Variants in PALM2AKAP2 observed in about 807,000 individuals in gnomAD.
PALM2AKAP2 encodes the protein PALM2-AKAP2 fusion protein.
PALM2AKAP2 carries 37 observed loss-of-function variants against 71.5 expected under a neutral mutation model. The ratio of observed to expected loss-of-function variants is 0.52; its 90% CI spans 0.40 to 0.68. The LOEUF (loss-of-function observed/expected upper bound fraction) is 0.68. Ranked by LOEUF, PALM2AKAP2 falls within the 30% of genes least tolerant of loss-of-function variation. PALM2AKAP2 has a pLI of 0.00. For missense variants in PALM2AKAP2, 1,224 were observed against 1,191.8 expected, an observed-to-expected ratio of 1.03 and a Z score of -0.40; for synonymous variants, 468 against 478.8, an observed-to-expected ratio of 0.98 and a Z score of 0.29.
Position 110,111,326 on chromosome 9 carries a change from C to G in PALM2AKAP2, c.157-24801C>G, listed in dbSNP as rs55936464. ...TAGGCTGGTCTTGAGCTCCTGGCCT[C>G]AAGTAATCCTCCTGCTTTGGCCTCC... is the stretch of plus-strand genomic sequence containing the variant. On this transcript the variant is annotated intron_variant, in intron 1 of 3. Coordinates refer to ENST00000374525, the Ensembl canonical transcript of PALM2AKAP2. 3.0e-3 allele frequency among the ~76,000 whole-genome samples: 453 copies of G among 152,150 alleles called. 1 individual carries two copies. Among genetic ancestry groups the G allele is most frequent in the Non-Finnish European group, 5.0e-3 (342 of 67,988 alleles).
chr9:109,703,848 A>G (rs1448586747), intron 1 of PALM2AKAP2, among the ~76,000 whole-genome samples: 1 of 152,176 alleles, frequency 6.6e-6, no homozygotes, highest in Non-Finnish European at 1.5e-5. Flanking sequence ...ACATTAGTTT[A>G]TGCAGTCCTT....
chr9:109,953,834 C>CAAAAAAAAAAA (rs34719180), intron 6 of PALM2AKAP2, among the ~76,000 whole-genome samples: 4 of 48,618 alleles, frequency 8.2e-5, no homozygotes, highest in Non-Finnish European at 8.5e-5. Flanking sequence ...GACTCCATCT[C>CAAAAAAAAAAA]AAAAAAAAAA....
At chr9:110,081,433 A>G (rs2118699469) in intron 1 of PALM2AKAP2, among the ~76,000 whole-genome samples, 1 of 152,348 alleles carries the variant, frequency 6.6e-6, no homozygotes, top group East Asian at 1.9e-4. Flanking sequence ...CATGTTGCCT[A>G]TAAACATAGA....
chr9:109,779,136 A>G (rs1829392925), upstream of PALM2AKAP2, among the ~76,000 whole-genome samples: 1 of 152,168 alleles, frequency 6.6e-6, no homozygotes, highest in Admixed American at 6.5e-5. Context: ...TAGTTATTTC[A>G]GTGTTTATTT....
rs749098354 is a variant in PALM2AKAP2 at position 110,138,522 on chromosome 9, G to A, written c.2552G>A (p.Cys851Tyr). 3.7e-6 allele frequency: 6 copies of A among 1,603,938 alleles called. No homozygotes were observed. In the East Asian group the frequency reaches 1.3e-4, roughly 36 times the overall value. ...GCCCCATCACTGCCCTCCAGAACAT[G>A]CTACAAAACTGCTCCAGGTAAGTGA... Residue 851 changes from cysteine to tyrosine, a missense_variant, in exon 2 of 4, where the codon TGC (cysteine) becomes TAC (tyrosine). Coordinates refer to ENST00000374525, the Ensembl canonical transcript of PALM2AKAP2.
chr9:109,821,212 G>C (rs1366482857), intron 1 of PALM2AKAP2, among the ~76,000 whole-genome samples: 1 of 152,308 alleles, frequency 6.6e-6, no homozygotes, highest in Non-Finnish European at 1.5e-5. Flanking sequence ...AGTCTGTAGA[G>C]TAGGTGCTTA....
chr9:109,968,667 A>G (rs1392098899), intron 6 of PALM2AKAP2, among the ~76,000 whole-genome samples: 1 of 152,020 alleles, frequency 6.6e-6, no homozygotes, highest in African/African-American at 2.4e-5. Context: ...CAGTCCCCCA[A>G]ATTTCTGGGG....
At chr9:109,892,187 G>A (rs144380529) in intron 3 of PALM2AKAP2, among the ~76,000 whole-genome samples, 3 of 152,278 alleles carry the variant, frequency 2.0e-5, no homozygotes, top group African/African-American at 7.2e-5. Flanking sequence ...TTTCCCCAGA[G>A]CATCTAGAGG....
intron 1 of PALM2AKAP2, among the ~76,000 whole-genome samples, chr9:110,090,931 A>G (rs373865431): frequency 7.9e-5 from 12 of 151,562 alleles, no homozygotes; most frequent in African/African-American, 2.7e-4. Context: ...TATGAACGGT[A>G]TACATGCTAT....
At chr9:109,763,876 C>T (rs1175836742) in intron 1 of PALM2AKAP2, among the ~76,000 whole-genome samples, 2 of 152,048 alleles carry the variant, frequency 1.3e-5, no homozygotes, top group African/African-American at 2.4e-5. Flanking sequence ...GTGTGTGTGT[C>T]TTAAATCTCT....
At chr9:109,914,786 T>C (rs1226241164) in intron 3 of PALM2AKAP2, among the ~76,000 whole-genome samples, 1 of 152,244 alleles carries the variant, frequency 6.6e-6, no homozygotes, top group Non-Finnish European at 1.5e-5. Context: ...TGTCTCTCAA[T>C]AGTGAGTTAT....
intron 6 of PALM2AKAP2, among the ~76,000 whole-genome samples, chr9:109,955,989 G>C (rs551273248): frequency 3.7e-4 from 56 of 151,208 alleles, no homozygotes; most frequent in East Asian, 1.8e-3. Flanking sequence ...TTTAGTGTTT[G>C]TTTGTTTTAA....
At position 110,088,703 on chromosome 9, in the gene PALM2AKAP2, G is replaced by GTTTTTT. The variant is rs71373964; in HGVS notation, c.156+39875_156+39880dup. The stretch of plus-strand genomic sequence containing the variant: ...TAGCTATTAAAGTTTGCATTTACGT[G>GTTTTTT]TTTTTTTTTTTTTTTTTTTTTTTTT... On this transcript the variant is annotated intron_variant, in intron 1 of 3. Transcript: ENST00000374525. Among the ~76,000 whole-genome samples, 64 of 75,610 alleles carry GTTTTTT rather than the reference G, an allele frequency of 8.5e-4. 5 individuals carry two copies. The highest frequency in any genetic ancestry group is 4.0e-3 in the East Asian group (6 of 1,482). The allele number at this position is 75,610 out of a possible 152,430, so 49.6% of individuals were successfully genotyped here. A position where few individuals can be genotyped will look rare whatever the true frequency, so the allele number is the denominator to read the frequency against.
chr9:109,972,659 A>G (rs1230011651), intron 6 of PALM2AKAP2, among the ~76,000 whole-genome samples: 1 of 152,196 alleles, frequency 6.6e-6, no homozygotes, highest in East Asian at 1.9e-4. Flanking sequence ...ATGAAGAGGA[A>G]GCCAAGGGGT....
intron 3 of PALM2AKAP2, among the ~76,000 whole-genome samples, chr9:109,904,045 T>C (rs766761771): frequency 1.8e-4 from 27 of 152,358 alleles, no homozygotes; most frequent in South Asian, 6.2e-4. Context: ...ATCTTATAAA[T>C]GCTGTATTTA....
At chr9:110,055,799 A>G (rs977261101) in intron 1 of PALM2AKAP2, among the ~76,000 whole-genome samples, 2 of 152,288 alleles carry the variant, frequency 1.3e-5, no homozygotes, top group East Asian at 3.9e-4. Context: ...GGTTGAGTGT[A>G]GGGTTTCGAA....
rs142640823 is a variant in PALM2AKAP2 at position 109,824,528 on chromosome 9, A to G, written c.46-42963A>G. Among the ~76,000 whole-genome samples, 11 of 152,320 alleles carry G rather than the reference A, an allele frequency of 7.2e-5. No homozygotes were observed. The East Asian group carries it at 1.9e-3, about 27-fold the overall frequency. The stretch of plus-strand genomic sequence containing the variant: ...TAGGATAGTTCTGCTTTCACAGAGC[A>G]TATTAGCAAATACCCTGTGTGAGGC... On this transcript the variant is annotated intron_variant, in intron 1 of 9. Transcript: ENST00000302798.
At chr9:109,830,539 C>T (rs1045455824) in intron 1 of PALM2AKAP2, among the ~76,000 whole-genome samples, 4 of 152,096 alleles carry the variant, frequency 2.6e-5, no homozygotes, top group African/African-American at 9.7e-5. Flanking sequence ...GAGAAAAAAC[C>T]TATTGAGGAA....
chr9:109,840,383 G>A (rs1017413825), intron 1 of PALM2AKAP2, among the ~76,000 whole-genome samples: 20 of 152,246 alleles, frequency 1.3e-4, no homozygotes, highest in African/African-American at 4.8e-4. Flanking sequence ...GATTAAAGAC[G>A]TAAATGGTAG....
Sources: gnomAD v4.1 joint callset for allele counts (sites outside exome capture counted in the v4.1 genomes callset) on GRCh38, gnomAD v4.1.1 for gene constraint, MANE v1.5 for transcripts, NCBI Gene and HGNC (gene_info 2026-07-23, HGNC 2026-07-21) for gene names.